Variants in SNX27 observed in about 807,000 individuals in gnomAD.
The protein encoded by SNX27 is sorting nexin-27.
SNX27 carries 22 observed loss-of-function variants against 71.6 expected under a neutral mutation model. That is an observed-to-expected ratio of 0.31 (90% CI 0.22 to 0.44). The LOEUF is 0.44. SNX27 is among the 20% of genes least tolerant of loss of function. SNX27 has a pLI of 1.00. For synonymous variants in SNX27, 269 were observed against 277.2 expected (o/e 0.97, Z 0.29); for missense variants, 531 against 698.6 (o/e 0.76, Z 2.70).
chr1:151,648,358 TAA>T (rs1043162305), intron 2 of SNX27, among the ~76,000 whole-genome samples: 1 of 150,250 alleles, frequency 6.7e-6, no homozygotes, highest in African/African-American at 2.5e-5. Flanking sequence ...CGCCTGGCGT[TAA>T]AGAGATTAAA....
At chr1:151,637,312 G>T (rs1668510918) in intron 1 of SNX27, among the ~76,000 whole-genome samples, 1 of 151,936 alleles carries the variant, frequency 6.6e-6, no homozygotes, top group South Asian at 2.1e-4. Context: ...CCAAGTAGCT[G>T]GGACTACAGG....
intron 1 of SNX27, among the ~76,000 whole-genome samples, chr1:151,620,339 T>C (rs1378670656): frequency 6.6e-6 from 1 of 152,140 alleles, no homozygotes; most frequent in South Asian, 2.1e-4. Flanking sequence ...CCAGAAGAAG[T>C]TGAATAACTT....
intron 2 of SNX27, among the ~76,000 whole-genome samples, chr1:151,653,642 C>T (rs1484365041): frequency 6.6e-6 from 1 of 152,054 alleles, no homozygotes; most frequent in East Asian, 1.9e-4. Context: ...TTCAGCCTAC[C>T]AAGTAGCTGG....
At chr1:151,693,396 T>G in intron 10 of SNX27, 28 bp from the exon 11 acceptor site, 1 of 1,611,574 alleles carries the variant, frequency 6.2e-7, no homozygotes, top group Non-Finnish European at 8.5e-7. Flanking sequence ...CTTGAGAAGT[T>G]AGTGAGTGTC....
intron 1 of SNX27, chr1:151,614,304 T>G (rs1667332540): frequency 6.6e-6 from 1 of 152,222 alleles, no homozygotes; most frequent in Non-Finnish European, 1.5e-5. Flanking sequence ...TTCCTAGTAT[T>G]CCTAGTATTG....
intron 2 of SNX27, among the ~76,000 whole-genome samples, chr1:151,643,312 T>TTTATTTATTTA (rs1271451262): frequency 2.7e-5 from 3 of 109,174 alleles, no homozygotes; most frequent in African/African-American, 6.7e-5. Flanking sequence ...TTATTTATTT[T>TTTATTTATTTA]GAGACGGAGT....
chr1:151,670,499 A>G (rs910270625), intron 7 of SNX27, among the ~76,000 whole-genome samples: 1 of 152,182 alleles, frequency 6.6e-6, no homozygotes, highest in African/African-American at 2.4e-5. Context: ...TGTACAAGTT[A>G]CATTCTCACC....
chr1:151,625,958 A>C (rs1175574339), intron 1 of SNX27, among the ~76,000 whole-genome samples: 4 of 151,790 alleles, frequency 2.6e-5, no homozygotes, highest in African/African-American at 9.7e-5. Flanking sequence ...ACCAAAAAAA[A>C]AATAAAATAA....
At chr1:151,673,168 A>G (rs1670519140) in intron 7 of SNX27, among the ~76,000 whole-genome samples, 1 of 151,898 alleles carries the variant, frequency 6.6e-6, no homozygotes, top group Non-Finnish European at 1.5e-5. Flanking sequence ...TTATGTTTTC[A>G]TGATCATTTA....
chr1:151,638,219 T>C (rs1668558341), intron 1 of SNX27, among the ~76,000 whole-genome samples: 1 of 152,234 alleles, frequency 6.6e-6, no homozygotes, highest in South Asian at 2.1e-4. Flanking sequence ...TGAGATAGCA[T>C]AGAGCAGGAA....
intron 3 of SNX27, among the ~76,000 whole-genome samples, chr1:151,658,968 T>C (rs1361364522): frequency 6.6e-6 from 1 of 152,062 alleles, no homozygotes; most frequent in African/African-American, 2.4e-5. Flanking sequence ...ACATGGACCT[T>C]TATTTTTAGG....
chr1:151,679,549 G>A (rs1420053833), intron 7 of SNX27: 1 of 152,184 alleles, frequency 6.6e-6, no homozygotes, highest in Non-Finnish European at 1.5e-5. Context: ...AATGACAACC[G>A]TTGACAGTTT....
chr1:151,680,585 A>G (rs936941778), intron 7 of SNX27: 3 of 152,204 alleles, frequency 2.0e-5, no homozygotes, highest in African/African-American at 4.8e-5. Flanking sequence ...TTCATCAAAT[A>G]TTAGTACTGT....
At chr1:151,693,087 T>TG (rs35971824) in intron 10 of SNX27, 48 bp downstream of exon 10, 1 of 1,519,874 alleles carries the variant, frequency 6.6e-7, no homozygotes, top group African/African-American at 1.6e-5. Context: ...TGTTTTTTTG[T>TG]TTTTTTTTTC....
chr1:151,630,847 C>T (rs1347399294), intron 1 of SNX27, among the ~76,000 whole-genome samples: 1 of 152,142 alleles, frequency 6.6e-6, no homozygotes, highest in African/African-American at 2.4e-5. Context: ...TCCTGGCTAA[C>T]ACGGTGAAAC....
At chr1:151,630,825 A>C (rs1323785346) in intron 1 of SNX27, among the ~76,000 whole-genome samples, 2 of 152,190 alleles carry the variant, frequency 1.3e-5, no homozygotes, top group East Asian at 3.9e-4. Flanking sequence ...CGAGGTCAGG[A>C]GATCGAGACC....
intron 2 of SNX27, among the ~76,000 whole-genome samples, chr1:151,654,390 G>A (rs1217946144): frequency 1.1e-4 from 17 of 151,966 alleles, no homozygotes; most frequent in East Asian, 9.7e-4. Context: ...TGTATCTGTG[G>A]TTAGTCTTGG....
At chr1:151,683,477 A>G in intron 8 of SNX27, 32 bp downstream of exon 8, 12 of 1,535,472 alleles carry the variant, frequency 7.8e-6, no homozygotes, top group South Asian at 2.3e-5. Flanking sequence ...CCCTTTAAAA[A>G]TGCCCCTTCC....
chr1:151,641,708 T>G (rs896897021), intron 2 of SNX27, among the ~76,000 whole-genome samples: 5 of 141,126 alleles, frequency 3.5e-5, no homozygotes, highest in African/African-American at 5.2e-5. Flanking sequence ...ATATATGATA[T>G]ATATAGCATA....
Sources: allele counts gnomAD v4.1 joint callset (sites outside exome capture counted in the v4.1 genomes callset), GRCh38; gene constraint gnomAD v4.1.1; transcripts MANE v1.5; gene names NCBI Gene and HGNC (gene_info 2026-07-23, HGNC 2026-07-21).